NKAIN2: variants seen among roughly 807,000 people sequenced by gnomAD.
NKAIN2 encodes sodium/potassium-transporting ATPase subunit beta-1-interacting protein 2.
A neutral mutation model predicts 32.6 loss-of-function variants in NKAIN2; 14 were observed. That is an observed-to-expected ratio of 0.43 (90% CI 0.28 to 0.67). NKAIN2 has a LOEUF of 0.67. NKAIN2 is among the 30% of genes least tolerant of loss of function. The pLI, the probability that NKAIN2 is intolerant of heterozygous loss-of-function variation, is 0.17. For missense variants in NKAIN2, 198 were observed against 258.3 expected, an observed-to-expected ratio of 0.77 and a Z score of 1.60; for synonymous variants, 80 against 87.2, an observed-to-expected ratio of 0.92 and a Z score of 0.46.
intron 1 of NKAIN2, among the ~76,000 whole-genome samples, chr6:123,941,049 T>A (rs1479377179): frequency 6.6e-6 from 1 of 151,970 alleles, no homozygotes; most frequent in Non-Finnish European, 1.5e-5. Context: ...TTTTATTTTT[T>A]ACTTTTTAAA....
intron 1 of NKAIN2, among the ~76,000 whole-genome samples, chr6:124,242,805 G>A (rs1582911303): frequency 1.3e-5 from 2 of 151,320 alleles, no homozygotes; most frequent in East Asian, 3.9e-4. Flanking sequence ...ACTAAACACT[G>A]CATGTTCTCA....
rs891666953 is a variant in NKAIN2, at chr6:124,083,071, C to T, written c.55-199934C>T. Among the ~76,000 whole-genome samples the T allele has an allele frequency of 2.6e-5, 4 of 151,776 alleles. No homozygotes were observed. The East Asian group carries it at 7.7e-4, about 29-fold the overall frequency. On this transcript the variant is annotated intron_variant, in intron 1 of 6. Coordinates refer to ENST00000368417, the MANE Select transcript of NKAIN2 (RefSeq NM_001040214.3). ...TTTTGATTTCTTGTAAATTCACATCCTCATATGCCTTTTTATGAGACTTTA... is the reference window on the plus strand; with the variant it reads ...TTTTGATTTCTTGTAAATTCACATCTTCATATGCCTTTTTATGAGACTTTA...
chr6:124,564,601 C>T (rs1388203934), intron 3 of NKAIN2, among the ~76,000 whole-genome samples: 1 of 152,198 alleles, frequency 6.6e-6, no homozygotes, highest in African/African-American at 2.4e-5. Flanking sequence ...TGTGTCCTTG[C>T]CACTTTTAAG....
chr6:124,794,509 AC>A (rs1397372244), intron 5 of NKAIN2, among the ~76,000 whole-genome samples: 1 of 152,206 alleles, frequency 6.6e-6, no homozygotes. Context: ...TTGACCACAC[AC>A]CACATCTGCC....
At chr6:124,490,390 C>A (rs2114722667) in intron 3 of NKAIN2, 1 of 431,794 alleles carries the variant, frequency 2.3e-6, no homozygotes, top group African/African-American at 2.1e-5. Flanking sequence ...TCAAAGGAAA[C>A]AGACCGTATA....
intron 1 of NKAIN2, among the ~76,000 whole-genome samples, chr6:124,182,520 G>T (rs1487244627): frequency 2.0e-5 from 3 of 152,072 alleles, no homozygotes; most frequent in Non-Finnish European, 4.4e-5. Flanking sequence ...CACTAATTTG[G>T]TGTGTTGGAT....
chr6:124,611,312 A>G (rs182321009), intron 3 of NKAIN2, among the ~76,000 whole-genome samples: 42 of 152,234 alleles, frequency 2.8e-4, no homozygotes, highest in Non-Finnish European at 5.9e-4. Context: ...AAGAAAATAA[A>G]TGTTATTAAA....
At chr6:123,962,311 T>G (rs1474752083) in intron 1 of NKAIN2, among the ~76,000 whole-genome samples, 2 of 152,154 alleles carry the variant, frequency 1.3e-5, no homozygotes, top group African/African-American at 4.8e-5. Context: ...AATCAGTGTC[T>G]GAAGAAGATT....
intron 3 of NKAIN2, among the ~76,000 whole-genome samples, chr6:124,508,488 G>T (rs1440231296): frequency 1.6e-5 from 2 of 126,072 alleles, no homozygotes; most frequent in African/African-American, 5.9e-5. Flanking sequence ...GGGACTACAG[G>T]CGCCACCATG....
intron 4 of NKAIN2, among the ~76,000 whole-genome samples, chr6:124,689,283 G>C (rs1012810122): frequency 1.3e-5 from 2 of 152,036 alleles, no homozygotes; most frequent in African/African-American, 4.8e-5. Context: ...GTCTTCTTTG[G>C]TGAGGTGTCT....
intron 6 of NKAIN2, among the ~76,000 whole-genome samples, chr6:124,819,920 A>T (rs1386034376): frequency 1.3e-5 from 2 of 152,126 alleles, no homozygotes; most frequent in Non-Finnish European, 2.9e-5. Context: ...TCCAAATATG[A>T]TATGTATTTT....
intron 1 of NKAIN2, among the ~76,000 whole-genome samples, chr6:124,196,144 T>C (rs1790303607): frequency 1.3e-5 from 2 of 152,156 alleles, no homozygotes; most frequent in Non-Finnish European, 2.9e-5. Context: ...TTCATATATT[T>C]TTTAAGTACT....
chr6:124,215,624 A>C lies in NKAIN2; in HGVS notation c.55-67381A>C, dbSNP rs144058265. ...TTTTTTCACTTTTAAACTTCTAAAG[A>C]AAAATTATTCTCAATCTAGAATTTT... On this transcript the variant is annotated intron_variant, in intron 1 of 6. Transcript: ENST00000368417. 2.9e-3 allele frequency among the ~76,000 whole-genome samples: 435 copies of C among 152,280 alleles called. 3 individuals are homozygous for C. Among genetic ancestry groups the C allele is most frequent in the African/African-American group, 9.7e-3 (404 of 41,568 alleles).
chr6:123,851,255 T>TTTTTTTTTTTTTTTTG, intron 1 of NKAIN2, among the ~76,000 whole-genome samples: 1 of 137,702 alleles, frequency 7.3e-6, no homozygotes, highest in Non-Finnish European at 1.6e-5. Flanking sequence ...TTTTTTTTTT[T>TTTTTTTTTTTTTTTTG]TTTTTTTTTT....
intron 2 of NKAIN2, among the ~76,000 whole-genome samples, chr6:124,349,260 G>T (rs962376466): frequency 6.6e-6 from 1 of 152,044 alleles, no homozygotes; most frequent in South Asian, 2.1e-4. Flanking sequence ...TGAATCCCAG[G>T]TTACCACACA....
chr6:124,112,286 T>C (rs1425737861), intron 1 of NKAIN2, among the ~76,000 whole-genome samples: 1 of 152,182 alleles, frequency 6.6e-6, no homozygotes, highest in African/African-American at 2.4e-5. Context: ...TTTGGAAAAG[T>C]CTTTATCTCT....
intron 1 of NKAIN2, among the ~76,000 whole-genome samples, chr6:124,240,198 G>A (rs1295794109): frequency 6.6e-6 from 1 of 151,988 alleles, no homozygotes; most frequent in African/African-American, 2.4e-5. Context: ...AAACCAGGAA[G>A]AAGTCAAATC....
At position 123,957,816 on chromosome 6, in the gene NKAIN2, A is replaced by G. The variant is rs564539366; in HGVS notation, c.54+153562A>G. ...AGTAATTAATAAGAGGATAAAAAAG[A>G]GGTTAAAATACAATTTGAAAAATTA... On this transcript the variant is annotated intron_variant, in intron 1 of 6. Transcript: ENST00000368417. Among the ~76,000 whole-genome samples the G allele has an allele frequency of 1.4e-4, 22 of 152,314 alleles. 1 individual carries two copies. The South Asian group carries it at 4.6e-3, about 32-fold the overall frequency.
chr6:124,146,686 T>G (rs1787425883), intron 1 of NKAIN2, among the ~76,000 whole-genome samples: 1 of 152,180 alleles, frequency 6.6e-6, no homozygotes, highest in African/African-American at 2.4e-5. Flanking sequence ...TAGAAATGAA[T>G]AAACACACTC....
Sources: gnomAD v4.1 joint callset for allele counts (sites outside exome capture counted in the v4.1 genomes callset) on GRCh38, gnomAD v4.1.1 for gene constraint, MANE v1.5 for transcripts, NCBI Gene and HGNC (gene_info 2026-07-23, HGNC 2026-07-21) for gene names.